CPB2: variants seen among roughly 807,000 people sequenced by gnomAD.
CPB2 encodes the protein carboxypeptidase B2.
In CPB2, 54 loss-of-function variants were observed where a neutral mutation model predicts 57.0. The observed-to-expected ratio is 0.95, with a 90% confidence interval of 0.76 to 1.19. CPB2 has a LOEUF of 1.19. Among genes scored for constraint, CPB2 ranks in the 50% most tolerant of loss-of-function variants. CPB2 has a pLI of 0.00. For missense variants in CPB2, 426 were observed against 512.0 expected (o/e 0.83, Z 1.62); for synonymous variants, 189 against 178.1 (o/e 1.06, Z -0.49).
intron 1 of CPB2, among the ~76,000 whole-genome samples, chr13:46,102,856 C>T (rs2045453462): frequency 6.6e-6 from 1 of 152,060 alleles, no homozygotes. Flanking sequence ...TACCTCCTCT[C>T]CTCTGCAAAG....
At chr13:46,055,376 A>G (rs2044683622) in intron 10 of CPB2, among the ~76,000 whole-genome samples, 1 of 152,202 alleles carries the variant, frequency 6.6e-6, no homozygotes, top group African/African-American at 2.4e-5. Flanking sequence ...AACACTAAAA[A>G]ACACTTGATG....
chr13:46,064,697 A>G lies in CPB2; in HGVS notation c.747T>C (p.His249=), dbSNP rs779803667. The G allele has an allele frequency of 6.2e-7, 1 of 1,614,164 alleles. No individual in the cohort carries two copies. Among genetic ancestry groups the G allele is most frequent in the Non-Finnish European group, 8.5e-7 (1 of 1,179,998 alleles). Residue 249 remains histidine (H), a synonymous_variant, in exon 8 of 11, where the codon CAT becomes CAC. Coordinates refer to ENST00000181383, the MANE Select transcript of CPB2 (RefSeq NM_001872.5). ...TCCTATTCAGGTCTGTTCCGATGCA[A>G]TGATTGTTCGCATAGAAAGAACGGT... ...RKNRSFYANN[H]CIGTDLNRNF...
At chr13:46,059,285 T>C (rs1267641021) in intron 8 of CPB2, among the ~76,000 whole-genome samples, 1 of 152,160 alleles carries the variant, frequency 6.6e-6, no homozygotes, top group African/African-American at 2.4e-5. Flanking sequence ...AATACTGTCA[T>C]TTTAGGAGAT....
At chr13:46,080,633 T>C (rs183280077) in intron 4 of CPB2, among the ~76,000 whole-genome samples, 1 of 151,886 alleles carries the variant, frequency 6.6e-6, no homozygotes, top group East Asian at 1.9e-4. Flanking sequence ...GAAGAGGAGA[T>C]TAAGATATAC....
chr13:46,059,669 G>T (rs1232296549), intron 8 of CPB2, among the ~76,000 whole-genome samples: 2 of 152,138 alleles, frequency 1.3e-5, no homozygotes, highest in African/African-American at 4.8e-5. Flanking sequence ...GAGATGAGAA[G>T]GGGAGAGGAA....
At chr13:46,071,139 C>G (rs1449906018) in intron 6 of CPB2, among the ~76,000 whole-genome samples, 8 of 152,114 alleles carry the variant, frequency 5.3e-5, no homozygotes, top group Non-Finnish European at 8.8e-5. Flanking sequence ...GGGGTTGGAA[C>G]TCCAGAAGAG....
chr13:46,086,583 G>T (rs2045208686), intron 2 of CPB2, among the ~76,000 whole-genome samples: 1 of 152,204 alleles, frequency 6.6e-6, no homozygotes, highest in Non-Finnish European at 1.5e-5. Flanking sequence ...ATTGGTTCAT[G>T]GGTGGCCATA....
At chr13:46,069,776 G>A (rs990886427) in intron 6 of CPB2, among the ~76,000 whole-genome samples, 1 of 151,912 alleles carries the variant, frequency 6.6e-6, no homozygotes, top group African/African-American at 2.4e-5. Flanking sequence ...TCCACTTTTT[G>A]ACTATTATGA....
At chr13:46,067,197 AT>A in intron 7 of CPB2, 109 bp downstream of exon 7, 2 of 533,530 alleles carry the variant, frequency 3.7e-6, no homozygotes, top group African/African-American at 2.0e-5. Context: ...GTTAAAAAAA[AT>A]TAATAATAAA....
intron 1 of CPB2, among the ~76,000 whole-genome samples, chr13:46,102,717 G>A (rs2045452004): frequency 6.6e-6 from 1 of 151,466 alleles, no homozygotes; most frequent in African/African-American, 2.4e-5. Context: ...CTGGAAAAGT[G>A]GAGCACAGAA....
intron 1 of CPB2, among the ~76,000 whole-genome samples, chr13:46,090,258 GAAT>G (rs973882234): frequency 6.6e-5 from 10 of 150,910 alleles, no homozygotes; most frequent in African/African-American, 2.4e-4. Flanking sequence ...ATTTTCATTA[GAAT>G]TATATTGGAT....
intron 6 of CPB2, 56 bp downstream of exon 6, chr13:46,073,817 C>A: frequency 8.6e-7 from 1 of 1,159,562 alleles, no homozygotes; most frequent in South Asian, 1.8e-5. Flanking sequence ...GAGTCTGACA[C>A]AGGTGATCTT....
At chr13:46,102,406 CAT>C (rs1436837673) in intron 1 of CPB2, among the ~76,000 whole-genome samples, 6 of 151,998 alleles carry the variant, frequency 3.9e-5, no homozygotes, top group African/African-American at 1.4e-4. Flanking sequence ...TTCCCTTTGG[CAT>C]ATGATATTTA....
intron 8 of CPB2, among the ~76,000 whole-genome samples, chr13:46,061,147 G>A (rs945558686): frequency 2.4e-4 from 36 of 151,700 alleles, no homozygotes; most frequent in African/African-American, 8.3e-4. Flanking sequence ...TAATGCCACT[G>A]AACTGTACAA....
chr13:46,059,531 T>C lies in CPB2; in HGVS notation c.797-1150A>G, dbSNP rs988019131. On this transcript the variant is annotated intron_variant, in intron 8 of 10. Coordinates refer to ENST00000181383, the MANE Select transcript of CPB2 (RefSeq NM_001872.5). ...ATGAGCTAGTTCATACAAAGTGCTT[T>C]GCACAGTGCCTGGCATGTAGTATGC... 5.9e-5 allele frequency among the ~76,000 whole-genome samples: 9 copies of C among 152,352 alleles called. No homozygotes were observed. In the East Asian group the frequency reaches 1.7e-3, roughly 29 times the overall value.
intron 2 of CPB2, among the ~76,000 whole-genome samples, chr13:46,085,551 C>G (rs527280950): frequency 6.6e-6 from 1 of 152,168 alleles, no homozygotes; most frequent in African/African-American, 2.4e-5. Flanking sequence ...CCTAGCCCAG[C>G]CTTCTTTGGA....
intron 1 of CPB2, chr13:46,100,623 A>G (rs1437578089): frequency 6.6e-6 from 1 of 152,210 alleles, no homozygotes; most frequent in Non-Finnish European, 1.5e-5. Context: ...GTTTCCTCAA[A>G]TTTACAGACA....
At chr13:46,104,517 T>G (rs532415850) in intron 1 of CPB2, among the ~76,000 whole-genome samples, 1 of 152,222 alleles carries the variant, frequency 6.6e-6, no homozygotes, top group Admixed American at 6.5e-5. Flanking sequence ...ACCTCCTATT[T>G]AACACTTCAC....
At chr13:46,101,153 C>G (rs1476019909) in intron 1 of CPB2, 2 of 152,116 alleles carry the variant, frequency 1.3e-5, no homozygotes, top group African/African-American at 4.8e-5. Flanking sequence ...CCCATGTGGC[C>G]AACTGATCAG....
Sources: gnomAD v4.1 joint callset for allele counts (sites outside exome capture counted in the v4.1 genomes callset) on GRCh38, gnomAD v4.1.1 for gene constraint, MANE v1.5 for transcripts, NCBI Gene and HGNC (gene_info 2026-07-23, HGNC 2026-07-21) for gene names.